NPL: variants seen among roughly 807,000 people sequenced by gnomAD.
NPL encodes the protein N-acetylneuraminate lyase.
A neutral mutation model predicts 41.1 loss-of-function variants in NPL; 32 were observed. That is an observed-to-expected ratio of 0.78 (90% confidence interval 0.59 to 1.05). NPL has a LOEUF of 1.05. NPL is among the 50% of genes least tolerant of loss of function. NPL has a pLI of 0.00. For missense variants in NPL, 321 were observed against 378.4 expected, an observed-to-expected ratio of 0.85 and a Z score of 1.26; for synonymous variants, 128 against 134.9, an observed-to-expected ratio of 0.95 and a Z score of 0.35.
intron 2 of NPL, among the ~76,000 whole-genome samples, chr1:182,793,443 A>G (rs983473234): frequency 3.9e-5 from 6 of 152,218 alleles, no homozygotes; most frequent in Non-Finnish European, 8.8e-5. Flanking sequence ...GCCATCATCC[A>G]GTCACAGTCT....
intron 3 of NPL, among the ~76,000 whole-genome samples, chr1:182,799,434 CTG>C (rs767306178): frequency 5.1e-4 from 77 of 152,218 alleles, no homozygotes; most frequent in Non-Finnish European, 9.6e-4. Context: ...AAGTATAAAA[CTG>C]TGTCTAATAC....
In NPL at chr1:182,829,769, C is replaced by A; in HGVS notation, c.*861C>A. 1.2e-6 allele frequency: 1 copy of A among 809,740 alleles called. No individual in the cohort carries two copies. Among genetic ancestry groups the A allele is most frequent in the Admixed American group, 2.4e-5 (1 of 41,000 alleles). The allele number at this position is 809,740 out of a possible 1,614,324, so 50.2% of individuals were successfully genotyped here. On this transcript the variant is annotated 3_prime_UTR_variant, in exon 13 of 13. Transcript: ENST00000367553. ...GAGCCCAGGGGCTAATGTTATTATC[C>A]TGTCACACTTGCAACTAGTGACTTT... is the stretch of plus-strand genomic sequence containing the variant.
At chr1:182,820,118 A>C (rs1435885085) in intron 10 of NPL, among the ~76,000 whole-genome samples, 1 of 152,246 alleles carries the variant, frequency 6.6e-6, no homozygotes, top group African/African-American at 2.4e-5. Flanking sequence ...TGGCTGCCCA[A>C]GCGTGGCATC....
chr1:182,829,419 A>T lies in NPL; in HGVS notation c.*511A>T, dbSNP rs1667711240. On this transcript the variant is annotated 3_prime_UTR_variant, in exon 13 of 13. Transcript: ENST00000367553. ...AATACACCAGCTCATTTGGCTGCTCAGTCTAACTCTAGAATGGATGCTTTT... is the reference window on the plus strand; with the variant it reads ...AATACACCAGCTCATTTGGCTGCTCTGTCTAACTCTAGAATGGATGCTTTT... 1 of 1,399,140 alleles carries T rather than the reference A, an allele frequency of 7.1e-7. No individual in the cohort carries two copies. The highest frequency in any genetic ancestry group is 3.0e-5 in the Admixed American group (1 of 33,496). The allele number at this position is 1,399,140 out of a possible 1,614,324, so 86.7% of individuals were successfully genotyped here. A position where few individuals can be genotyped will look rare whatever the true frequency, so the allele number is the denominator to read the frequency against.
At position 182,820,114 on chromosome 1, in the gene NPL, C is replaced by T. The variant is rs547607187; in HGVS notation, c.653+1255C>T. Among the ~76,000 whole-genome samples the T allele has an allele frequency of 3.9e-5, 6 of 152,338 alleles. No homozygotes were observed. In the East Asian group the frequency reaches 1.2e-3, roughly 29 times the overall value. ...GCATGCACATGGCCAGTCATGGCTGCCCAAGCGTGGCATCTCGGGACATCA... is the reference window on the plus strand; with the variant it reads ...GCATGCACATGGCCAGTCATGGCTGTCCAAGCGTGGCATCTCGGGACATCA... On this transcript the variant is annotated intron_variant, in intron 10 of 12. Coordinates refer to ENST00000367553, the MANE Select transcript of NPL (RefSeq NM_030769.3).
chr1:182,818,528 T>C lies in NPL; in HGVS notation c.458-13T>C, dbSNP rs746400273. On this transcript the variant is annotated splice_polypyrimidine_tract_variant and intron_variant, in intron 8 of 12. Transcript: ENST00000367553. ...GATGTGCAGATTAATGAGGCACTTA[T>C]TATTTTGAGCAGTTCGTGCTGAGGA... 1.9e-6 allele frequency: 3 copies of C among 1,613,782 alleles called. No homozygotes were observed. Among genetic ancestry groups the C allele is most frequent in the Non-Finnish European group, 2.5e-6 (3 of 1,180,018 alleles).
chr1:182,814,312 A>G (rs1405814327), intron 6 of NPL, among the ~76,000 whole-genome samples: 1 of 152,250 alleles, frequency 6.6e-6, no homozygotes, highest in Non-Finnish European at 1.5e-5. Context: ...AGAAAATATC[A>G]GAAACATGGT....
chr1:182,822,081 A>G, intron 10 of NPL, 34 bp from the exon 11 acceptor site: 1 of 1,348,146 alleles, frequency 7.4e-7, no homozygotes, highest in South Asian at 1.2e-5. Context: ...CTGTTGAGTT[A>G]TTGAACCTGC....
chr1:182,790,088 T>G (rs1378158876), intron 1 of NPL, among the ~76,000 whole-genome samples: 1 of 152,170 alleles, frequency 6.6e-6, no homozygotes. Flanking sequence ...AAAATAGAGT[T>G]AGCAATTGAG....
At chr1:182,818,742 G>C in intron 9 of NPL, 53 bp downstream of exon 9, 1 of 1,613,974 alleles carries the variant, frequency 6.2e-7, no homozygotes, top group South Asian at 1.1e-5. Context: ...AAAACAATTT[G>C]TGTAGCTATA....
At chr1:182,810,377 C>T (rs751606517) in intron 5 of NPL, among the ~76,000 whole-genome samples, 12 of 152,226 alleles carry the variant, frequency 7.9e-5, no homozygotes, top group Non-Finnish European at 1.8e-4. Flanking sequence ...AGTGAATTCA[C>T]TTCTCACAGG....
intron 7 of NPL, 46 bp downstream of exon 7, chr1:182,814,904 C>T (rs751169078): frequency 1.4e-6 from 2 of 1,421,336 alleles, no homozygotes; most frequent in South Asian, 2.3e-5. Context: ...TGGTCCACTT[C>T]TTCTTGCCTC....
intron 7 of NPL, among the ~76,000 whole-genome samples, chr1:182,815,620 T>C (rs534530829): frequency 2.6e-5 from 4 of 152,194 alleles, no homozygotes; most frequent in African/African-American, 9.7e-5. Context: ...AATTATTTTT[T>C]AGAGATGAGG....
chr1:182,821,073 A>G (rs1242173025), intron 10 of NPL, among the ~76,000 whole-genome samples: 2 of 152,220 alleles, frequency 1.3e-5, no homozygotes, highest in East Asian at 3.8e-4. Flanking sequence ...TTCAAATGTT[A>G]GTATTCTGAA....
chr1:182,817,302 C>T (rs1187686551), intron 8 of NPL, among the ~76,000 whole-genome samples: 1 of 152,140 alleles, frequency 6.6e-6, no homozygotes, highest in Non-Finnish European at 1.5e-5. Flanking sequence ...CCACTCTTTT[C>T]TAAATTCCAT....
At chr1:182,817,928 C>T (rs1230330078) in intron 8 of NPL, among the ~76,000 whole-genome samples, 1 of 152,128 alleles carries the variant, frequency 6.6e-6, no homozygotes, top group Non-Finnish European at 1.5e-5. Flanking sequence ...TGATTGAGTA[C>T]CTCATTGGCC....
chr1:182,806,051 C>T (rs1666997985), intron 4 of NPL, 94 bp from the exon 5 acceptor site: 2 of 1,401,820 alleles, frequency 1.4e-6, no homozygotes, highest in Non-Finnish European at 2.0e-6. Context: ...TGACCATCCT[C>T]AGTGCAGTGG....
At chr1:182,819,092 G>A (rs1035849351) in intron 10 of NPL, among the ~76,000 whole-genome samples, 5 of 152,028 alleles carry the variant, frequency 3.3e-5, no homozygotes, top group African/African-American at 7.3e-5. Context: ...GGCCAAGGTG[G>A]GCAGATCACT....
chr1:182,811,541 T>C (rs1205505454), intron 5 of NPL, among the ~76,000 whole-genome samples: 2 of 152,172 alleles, frequency 1.3e-5, no homozygotes, highest in Non-Finnish European at 2.9e-5. Context: ...TAATTGATTT[T>C]TAAATTTTGT....
Sources: allele counts gnomAD v4.1 joint callset (sites outside exome capture counted in the v4.1 genomes callset), GRCh38; gene constraint gnomAD v4.1.1; transcripts MANE v1.5; gene names NCBI Gene and HGNC (gene_info 2026-07-23, HGNC 2026-07-21).